The following FRAS1 variants were observed in gnomAD, a reference collection of about 807,000 sequenced individuals.
FRAS1 encodes Fraser extracellular matrix complex subunit 1, also known as extracellular matrix organizing protein FRAS1.
FRAS1 carries 290 observed loss-of-function variants against 435.2 expected under a neutral mutation model. That is an observed-to-expected ratio of 0.67 (90% CI 0.61 to 0.73). The LOEUF (loss-of-function observed/expected upper bound fraction) is 0.73, where lower values mean the gene tolerates loss of function less well. Among genes scored for constraint, FRAS1 ranks in the 30% least tolerant of loss-of-function variants. The pLI, the probability that FRAS1 is intolerant of heterozygous loss-of-function variation, is 0.00. For missense variants in FRAS1, 4,860 were observed against 5,001.5 expected (o/e 0.97, Z 0.85); for synonymous variants, 1,800 against 1,851.0 (o/e 0.97, Z 0.71).
intron 18 of FRAS1, among the ~76,000 whole-genome samples, chr4:78,329,723 G>A (rs1729867517): frequency 6.6e-6 from 1 of 152,176 alleles, no homozygotes; most frequent in African/African-American, 2.4e-5. Flanking sequence ...CATGGGAAAT[G>A]GTCAAAGGAC....
At chr4:78,455,600 T>C (rs931275167) in intron 47 of FRAS1, among the ~76,000 whole-genome samples, 4 of 152,212 alleles carry the variant, frequency 2.6e-5, no homozygotes, top group Non-Finnish European at 5.9e-5. Context: ...CATGCTGTCT[T>C]GCTTGGTCAG....
chr4:78,480,995 T>C (rs1719994949), intron 56 of FRAS1, among the ~76,000 whole-genome samples: 1 of 152,228 alleles, frequency 6.6e-6, no homozygotes, highest in Non-Finnish European at 1.5e-5. Flanking sequence ...CAGTCATCAA[T>C]GATTAAGCAG....
chr4:78,057,925 T>G lies in FRAS1; in HGVS notation c.-85T>G. ...TCCCCCACCTTCAGTGCGCCCGGGT[T>G]CCAAGCGCCGGAGCCAGCGTTTTGG... On this transcript the variant is annotated 5_prime_UTR_variant, in exon 1 of 74. Coordinates refer to ENST00000512123, the MANE Select transcript of FRAS1 (RefSeq NM_025074.7). The surrounding 1 kb of genome is among the most constrained non-coding windows in gnomAD (Gnocchi z 4.2). The G allele has an allele frequency of 1.5e-6, 2 of 1,336,668 alleles. No homozygotes were observed. Among genetic ancestry groups the G allele is most frequent in the Non-Finnish European group, 2.1e-6 (2 of 938,050 alleles). The allele number at this position is 1,336,668 out of a possible 1,614,324, so 82.8% of individuals were successfully genotyped here. A position where few individuals can be genotyped will look rare whatever the true frequency, so the allele number is the denominator to read the frequency against.
Position 78,369,878 on chromosome 4 carries a change from C to T in FRAS1, c.2763C>T (p.Ser921=). 1.9e-6 allele frequency: 3 copies of T among 1,613,554 alleles called. No individual in the cohort carries two copies. The highest frequency in any genetic ancestry group is 4.5e-5 in the East Asian group (2 of 44,872). The change falls in exon 23 of 74, where the codon AGC becomes AGT. Residue 921 remains serine (S), a synonymous_variant. Coordinates refer to ENST00000512123, the MANE Select transcript of FRAS1 (RefSeq NM_025074.7). ...THCGSCDSQA[S]CTSCRDPNKV... ...GTGGAAGCTGTGATTCACAGGCCAGCTGTACCTCCTGCCGAGATCCAAACA... is the reference window on the plus strand; with the variant it reads ...GTGGAAGCTGTGATTCACAGGCCAGTTGTACCTCCTGCCGAGATCCAAACA...
intron 21 of FRAS1, 98 bp downstream of exon 21, chr4:78,363,763 C>T: frequency 7.0e-7 from 1 of 1,436,012 alleles, no homozygotes; most frequent in Middle Eastern, 1.8e-4. Flanking sequence ...AGAGTGGAGG[C>T]AGGAAGTGTA....
intron 23 of FRAS1, among the ~76,000 whole-genome samples, chr4:78,371,083 G>GTTTTTTTTTTTTTTTTTTTTTTT (rs1242709942): frequency 7.8e-6 from 1 of 127,402 alleles, no homozygotes. Flanking sequence ...TTTTTTTTCT[G>GTTTTTTTTTTTTTTTTTTTTTTT]TTTTTTTGTT....
At chr4:78,077,150 A>T (rs1029679328) in intron 2 of FRAS1, among the ~76,000 whole-genome samples, 2 of 152,156 alleles carry the variant, frequency 1.3e-5, no homozygotes, top group Non-Finnish European at 2.9e-5. Flanking sequence ...CAGATGTTCA[A>T]GACCAACTTG....
chr4:78,084,533 A>G (rs1442305739), intron 2 of FRAS1, among the ~76,000 whole-genome samples: 4 of 152,106 alleles, frequency 2.6e-5, no homozygotes, highest in Admixed American at 1.3e-4. Flanking sequence ...TTTGAGGTCT[A>G]TCAATTAGTT....
At chr4:78,323,388 T>TA (rs1176192724) in intron 18 of FRAS1, among the ~76,000 whole-genome samples, 1 of 152,200 alleles carries the variant, frequency 6.6e-6, no homozygotes, top group Non-Finnish European at 1.5e-5. Flanking sequence ...CTAGCACTGA[T>TA]AGATTCAAGT....
intron 38 of FRAS1, among the ~76,000 whole-genome samples, chr4:78,435,027 TA>T (rs1734361234): frequency 6.6e-6 from 1 of 152,058 alleles, no homozygotes; most frequent in African/African-American, 2.4e-5. Context: ...TGGAACTTAG[TA>T]AGCTGATTCT....
chr4:78,105,059 T>G (rs934381279), intron 2 of FRAS1, among the ~76,000 whole-genome samples: 3 of 152,162 alleles, frequency 2.0e-5, no homozygotes, highest in African/African-American at 7.2e-5. Context: ...TAGTTCCAAA[T>G]TGCTTAGAAA....
intron 44 of FRAS1, among the ~76,000 whole-genome samples, chr4:78,448,948 T>C (rs1718938835): frequency 6.6e-6 from 1 of 152,144 alleles, no homozygotes; most frequent in African/African-American, 2.4e-5. Context: ...AGAGTTCTGT[T>C]GTTTGTTTGT....
chr4:78,185,492 T>C (rs969946263), intron 2 of FRAS1, among the ~76,000 whole-genome samples: 2 of 152,228 alleles, frequency 1.3e-5, no homozygotes, highest in Non-Finnish European at 2.9e-5. Flanking sequence ...TTAGAGGCTG[T>C]TTGTAAGCTT....
rs2109823064 is a variant in FRAS1, at chr4:78,438,730, CTTT to C, written c.5366+13_5366+15del. 6.4e-7 allele frequency: 1 copy of C among 1,573,378 alleles called. No individual in the cohort carries two copies. Among genetic ancestry groups the C allele is most frequent in the South Asian group, 1.2e-5 (1 of 85,528 alleles). Reference sequence around the variant, plus strand: ...AACAAGAAAATCAGGTACATAATCACTTTGTATTATTTGACAGATTCTTAAAAA... The same window carrying C: ...AACAAGAAAATCAGGTACATAATCACGTATTATTTGACAGATTCTTAAAAA... On this transcript the variant is annotated intron_variant, in intron 39 of 73. Coordinates refer to ENST00000512123, the MANE Select transcript of FRAS1 (RefSeq NM_025074.7).
intron 2 of FRAS1, among the ~76,000 whole-genome samples, chr4:78,210,381 A>G (rs1483287319): frequency 6.6e-6 from 1 of 152,178 alleles, no homozygotes; most frequent in Non-Finnish European, 1.5e-5. Flanking sequence ...TTGTGTTTAA[A>G]TGTACTGTTC....
intron 40 of FRAS1, among the ~76,000 whole-genome samples, chr4:78,440,799 C>G (rs774392941): frequency 6.6e-6 from 1 of 152,208 alleles, no homozygotes; most frequent in South Asian, 2.1e-4. Context: ...CTATCATTCT[C>G]TAGCTGTGGG....
intron 20 of FRAS1, among the ~76,000 whole-genome samples, chr4:78,362,902 G>A (rs971579349): frequency 4.6e-5 from 7 of 152,166 alleles, no homozygotes; most frequent in Admixed American, 3.9e-4. Flanking sequence ...GCATACCATA[G>A]GTAGTTTTGG....
At position 78,492,081 on chromosome 4, in the gene FRAS1, A is replaced by C. The variant is rs554224682; in HGVS notation, c.8958+3001A>C. Among the ~76,000 whole-genome samples, 208 of 152,162 alleles carry C rather than the reference A, an allele frequency of 1.4e-3. 1 individual carries two copies. The highest frequency in any genetic ancestry group is 2.5e-3 in the Non-Finnish European group (171 of 68,006). ...CAAAGAGAATAAAATACCTAAGAAT[A>C]CAACTTACAAGGGACATGAAGGACC... On this transcript the variant is annotated intron_variant, in intron 59 of 73. Transcript: ENST00000512123.
At chr4:78,451,914 A>G (rs371328311) in intron 46 of FRAS1, 23 bp downstream of exon 46, 45 of 1,593,736 alleles carry the variant, frequency 2.8e-5, no homozygotes, top group Non-Finnish European at 3.8e-5. Flanking sequence ...TTGATTTTCT[A>G]ATATAAAACT....
Sources: allele counts gnomAD v4.1 joint callset (sites outside exome capture counted in the v4.1 genomes callset), GRCh38; gene constraint gnomAD v4.1.1; non-coding constraint Gnocchi (gnomAD v3.1); transcripts MANE v1.5; gene names NCBI Gene and HGNC (gene_info 2026-07-23, HGNC 2026-07-21).